The following COMMD10 variants were observed in gnomAD, a reference collection of about 807,000 sequenced individuals.
The protein encoded by COMMD10 is COMM domain containing 10, also known as COMM domain-containing protein 10.
COMMD10 carries 33 observed loss-of-function variants against 28.9 expected under a neutral mutation model. The observed-to-expected ratio is 1.14, with a 90% CI of 0.87 to 1.53. The LOEUF (loss-of-function observed/expected upper bound fraction) is 1.53, where lower values mean the gene tolerates loss of function less well. Ranked by LOEUF, COMMD10 falls within the 40% of genes most tolerant of loss-of-function variation. The pLI, the probability that COMMD10 is intolerant of heterozygous loss-of-function variation, is 0.00. For missense variants in COMMD10, 310 were observed against 233.4 expected (o/e 1.33, Z -2.14); for synonymous variants, 110 against 81.7 (o/e 1.35, Z -1.87).
At chr5:116,209,388 T>A (rs1748901313) in intron 5 of COMMD10, among the ~76,000 whole-genome samples, 1 of 152,194 alleles carries the variant, frequency 6.6e-6, no homozygotes, top group South Asian at 2.1e-4. Flanking sequence ...GCACCAAATC[T>A]GTAGTTAATA....
intron 5 of COMMD10, among the ~76,000 whole-genome samples, chr5:116,225,820 T>C (rs10075192): frequency 0.61 from 92,065 of 151,050 alleles, 31,075 homozygotes; most frequent in South Asian, 0.77. Context: ...TTTTTTTTTT[T>C]TCTCTTCCTG....
chr5:116,236,601 ACT>A (rs1278113432), intron 5 of COMMD10, among the ~76,000 whole-genome samples: 13 of 151,752 alleles, frequency 8.6e-5, no homozygotes, highest in Non-Finnish European at 1.9e-4. Context: ...ATGTGAAAAG[ACT>A]CTATACTGCA....
chr5:116,168,250 A>G (rs767133943), intron 5 of COMMD10, among the ~76,000 whole-genome samples: 1 of 152,118 alleles, frequency 6.6e-6, no homozygotes, highest in Non-Finnish European at 1.5e-5. Flanking sequence ...AGGGCATTAC[A>G]TAATGATAAA....
At chr5:116,259,079 T>A (rs1424416181) in intron 5 of COMMD10, among the ~76,000 whole-genome samples, 1 of 149,910 alleles carries the variant, frequency 6.7e-6, no homozygotes, top group African/African-American at 2.5e-5. Context: ...TTTTTTTTTT[T>A]TTCCTGAGAG....
chr5:116,151,673 A>T (rs960979467), intron 5 of COMMD10, among the ~76,000 whole-genome samples: 8 of 152,052 alleles, frequency 5.3e-5, no homozygotes, highest in Admixed American at 2.0e-4. Flanking sequence ...CTCTGATGGT[A>T]CTTTGTATTT....
intron 4 of COMMD10, among the ~76,000 whole-genome samples, chr5:116,131,381 G>A (rs186202582): frequency 8.6e-5 from 13 of 151,640 alleles, no homozygotes; most frequent in Admixed American, 3.3e-4. Flanking sequence ...CAGGTGGGAG[G>A]GGTATGTGTG....
intron 4 of COMMD10, among the ~76,000 whole-genome samples, chr5:116,121,098 C>T (rs1312182954): frequency 6.6e-6 from 1 of 152,080 alleles, no homozygotes; most frequent in Non-Finnish European, 1.5e-5. Flanking sequence ...TCATCATTTA[C>T]ATTAGATATT....
chr5:116,087,356 T>C, intron 1 of COMMD10, 141 bp from the exon 2 acceptor site: 1 of 597,144 alleles, frequency 1.7e-6, no homozygotes, highest in East Asian at 2.8e-5. Flanking sequence ...CCTTTTTTGC[T>C]GGCTGTCATC....
intron 4 of COMMD10, among the ~76,000 whole-genome samples, chr5:116,114,030 A>G (rs1196315534): frequency 6.6e-6 from 1 of 150,648 alleles, no homozygotes; most frequent in Non-Finnish European, 1.5e-5. Flanking sequence ...ATACTTTATG[A>G]TATTCTTGGC....
intron 5 of COMMD10, among the ~76,000 whole-genome samples, chr5:116,225,088 C>T (rs1208607781): frequency 6.6e-6 from 1 of 152,026 alleles, no homozygotes; most frequent in Non-Finnish European, 1.5e-5. Context: ...TTGCTGTGAC[C>T]ATTTGGTGAA....
chr5:116,096,706 A>G (rs1465940563), intron 4 of COMMD10, among the ~76,000 whole-genome samples: 1 of 152,056 alleles, frequency 6.6e-6, no homozygotes, highest in African/African-American at 2.4e-5. Flanking sequence ...ATTAAGTAGG[A>G]TGTTAGAAAA....
At chr5:116,126,657 A>G (rs1751654764) in intron 4 of COMMD10, among the ~76,000 whole-genome samples, 1 of 151,994 alleles carries the variant, frequency 6.6e-6, no homozygotes, top group African/African-American at 2.4e-5. Context: ...CAAACCTGAC[A>G]AAAACAAGAA....
chr5:116,179,372 A>C (rs559544042), intron 5 of COMMD10, among the ~76,000 whole-genome samples: 1 of 152,292 alleles, frequency 6.6e-6, no homozygotes, highest in East Asian at 1.9e-4. Context: ...CCAGAGTTAC[A>C]CTACTGGATA....
At chr5:116,289,850 T>G (rs1025794446) in intron 5 of COMMD10, among the ~76,000 whole-genome samples, 2 of 151,970 alleles carry the variant, frequency 1.3e-5, no homozygotes, top group Non-Finnish European at 2.9e-5. Context: ...AAGGGTATTC[T>G]GATCCGTATA....
chr5:116,213,767 G>A (rs1275227280), intron 5 of COMMD10, among the ~76,000 whole-genome samples: 1 of 151,834 alleles, frequency 6.6e-6, no homozygotes, highest in Non-Finnish European at 1.5e-5. Flanking sequence ...TCATAATACA[G>A]TGTTATTTCT....
At chr5:116,160,862 G>A (rs1434943275) in intron 5 of COMMD10, among the ~76,000 whole-genome samples, 2 of 152,150 alleles carry the variant, frequency 1.3e-5, no homozygotes, top group African/African-American at 2.4e-5. Context: ...GTGTGATTCA[G>A]TACAATTGTT....
In COMMD10 at chr5:116,121,235, G is replaced by C. The variant is rs570807570; in HGVS notation, c.400-12833G>C. Among the ~76,000 whole-genome samples the C allele has an allele frequency of 9.2e-5, 14 of 152,088 alleles. No homozygotes were observed. In the South Asian group the frequency reaches 2.7e-3, roughly 29 times the overall value. ...CTATGAGTGAGAACATGCGGTGTTT[G>C]GTTTTCTGTCCTTGTGATAGTTTGC... is the stretch of plus-strand genomic sequence containing the variant. On this transcript the variant is annotated intron_variant, in intron 4 of 6. Transcript: ENST00000274458.
intron 5 of COMMD10, among the ~76,000 whole-genome samples, chr5:116,160,471 T>A (rs10478287): frequency 0.31 from 47,830 of 151,996 alleles, 10,525 homozygotes; most frequent in African/African-American, 0.63. Flanking sequence ...TAAATGTGAT[T>A]GATAAAGCTA....
intron 5 of COMMD10, among the ~76,000 whole-genome samples, chr5:116,227,654 T>C (rs1273198528): frequency 1.3e-5 from 2 of 152,102 alleles, no homozygotes; most frequent in African/African-American, 4.8e-5. Context: ...ATTATCTTCA[T>C]TTTCCAAGGC....
Sources: allele counts gnomAD v4.1 joint callset (sites outside exome capture counted in the v4.1 genomes callset), GRCh38; gene constraint gnomAD v4.1.1; transcripts MANE v1.5; gene names NCBI Gene and HGNC (gene_info 2026-07-23, HGNC 2026-07-21).